Variants in ACE observed in about 807,000 individuals in gnomAD.
ACE encodes angiotensin-converting enzyme.
Under a neutral mutation model 162.3 loss-of-function variants are expected in ACE, and 122 were observed. The ratio of observed to expected loss-of-function variants is 0.75; its 90% CI spans 0.65 to 0.87. The LOEUF (loss-of-function observed/expected upper bound fraction) is 0.87. ACE is among the 40% of genes least tolerant of loss of function. The pLI is 0.00. For missense variants in ACE, 1,799 were observed against 1,735.1 expected (o/e 1.04, Z -0.65); for synonymous variants, 796 against 720.6 (o/e 1.10, Z -1.68).
At position 63,478,040 on chromosome 17, in the gene ACE, T is replaced by C. The variant is rs770863321; in HGVS notation, c.359T>C (p.Ile120Thr). ...QNFTDPQLRR[I>T]IGAVRTLGSA... ...TTCACGGACCCGCAGCTGCGCAGGA[T>C]CATCGGAGCTGTGCGCACCCTGGGC... The change falls in exon 2 of 25, where the codon ATC (isoleucine) becomes ACC (threonine). Residue 120 changes from isoleucine (I) to threonine (T), a missense_variant. Coordinates refer to ENST00000290866, the MANE Select transcript of ACE (RefSeq NM_000789.4). The C allele has an allele frequency of 1.2e-6, 2 of 1,606,030 alleles. No individual in the cohort carries two copies. Among genetic ancestry groups the C allele is most frequent in the Admixed American group, 3.4e-5 (2 of 59,312 alleles).
chr17:63,495,956 G>T (rs900979246), intron 22 of ACE, among the ~76,000 whole-genome samples: 11 of 152,292 alleles, frequency 7.2e-5, no homozygotes, highest in African/African-American at 2.6e-4. Context: ...CAGGGAATTC[G>T]TGATGCTTTG....
chr17:63,477,913 C>T lies in ACE; in HGVS notation c.250-18C>T, dbSNP rs576845728. ...AAGCAGGGTCCTACACCCTCCCTGC[C>T]CTCCTGGTGCCCAATAGGAGGAAGC... On this transcript the variant is annotated intron_variant, in intron 1 of 24. Coordinates refer to ENST00000290866, the MANE Select transcript of ACE (RefSeq NM_000789.4). 17 of 1,604,256 alleles carry T rather than the reference C, an allele frequency of 1.1e-5. No homozygotes were observed. In the South Asian group the frequency reaches 1.6e-4, roughly 15 times the overall value.
chr17:63,484,060 G>A lies in ACE; in HGVS notation c.1709+89G>A, dbSNP rs2147537501. 2 of 1,529,062 alleles carry A rather than the reference G, an allele frequency of 1.3e-6. No homozygotes were observed. Among genetic ancestry groups the A allele is most frequent in the Non-Finnish European group, 1.8e-6 (2 of 1,140,608 alleles). The allele number at this position is 1,529,062 out of a possible 1,614,324, so 94.7% of individuals were successfully genotyped here. ...GGAGGTGTCTGGCTGCTCTGATGGG[G>A]TGGGGGGCACCAACCACAGAGCTGG... On this transcript the variant is annotated intron_variant, in intron 11 of 24. Coordinates refer to ENST00000290866, the MANE Select transcript of ACE (RefSeq NM_000789.4). The surrounding 1 kb of genome is among the most constrained non-coding windows in gnomAD (Gnocchi z 4.0).
At chr17:63,479,693 G>C in intron 3 of ACE, 76 bp from the exon 4 acceptor site, 1 of 1,587,356 alleles carries the variant, frequency 6.3e-7, no homozygotes, top group South Asian at 1.1e-5. Context: ...GTAAGGACTG[G>C]TGCAGGCTCT....
chr17:63,481,899 G>A (rs1271754524), intron 7 of ACE, among the ~76,000 whole-genome samples, 161 bp downstream of exon 7: 4 of 152,176 alleles, frequency 2.6e-5, no homozygotes, highest in Admixed American at 6.5e-5. Flanking sequence ...GGTATAGGAG[G>A]CCTATTAGTC....
chr17:63,483,008 T>C (rs1299921461), intron 8 of ACE, 21 bp from the exon 9 acceptor site: 1 of 1,613,476 alleles, frequency 6.2e-7, no homozygotes, highest in African/African-American at 1.3e-5. Flanking sequence ...TTCCCTCTCC[T>C]TTCATCTCAT....
chr17:63,486,243 G>A, intron 13 of ACE: 1 of 439,260 alleles, frequency 2.3e-6, no homozygotes, highest in South Asian at 2.3e-5. Context: ...TATTAACTCT[G>A]AGGTTCAGAA....
intron 19 of ACE, among the ~76,000 whole-genome samples, chr17:63,492,425 G>A (rs1428591134): frequency 2.0e-5 from 3 of 152,246 alleles, no homozygotes; most frequent in African/African-American, 4.8e-5. Flanking sequence ...GAACAGACAC[G>A]GGGAGCCTGA....
In ACE at chr17:63,484,878, G is replaced by T; in HGVS notation, c.1921+337G>T. 6.3e-7 allele frequency: 1 copy of T among 1,586,690 alleles called. No individual in the cohort carries two copies. Among genetic ancestry groups the T allele is most frequent in the Non-Finnish European group, 8.6e-7 (1 of 1,166,390 alleles). On this transcript the variant is annotated intron_variant, in intron 12 of 24. Coordinates refer to ENST00000290866, the MANE Select transcript of ACE (RefSeq NM_000789.4). This position sits in a 1 kb window ranked among gnomAD's most constrained non-coding sequence, Gnocchi z 4.0. Reference sequence around the variant, plus strand: ...TGCTCTCCTGCGGCCATGGGCCAGGGTTGGGCTACTGCAGGACTTCCCAGC... The same window carrying T: ...TGCTCTCCTGCGGCCATGGGCCAGGTTTGGGCTACTGCAGGACTTCCCAGC...
Position 63,477,103 on chromosome 17 carries a change from C to T in ACE, c.9C>T (p.Ala3=). Residue 3 remains alanine, a synonymous_variant, in exon 1 of 25, where the codon GCC becomes GCT. Coordinates refer to ENST00000290866, the MANE Select transcript of ACE (RefSeq NM_000789.4). ...GCACCGCGCACCGCGTCATGGGGGC[C>T]GCCTCGGGCCGCCGGGGGCCGGGGC... The part of the protein sequence containing the change: MG[A]ASGRRGPGLL... 7.6e-7 allele frequency: 1 copy of T among 1,312,802 alleles called. No homozygotes were observed. Among genetic ancestry groups the T allele is most frequent in the East Asian group, 3.2e-5 (1 of 31,032 alleles). The allele number at this position is 1,312,802 out of a possible 1,614,324, so 81.3% of individuals were successfully genotyped here. A position where few individuals can be genotyped will look rare whatever the true frequency, so the allele number is the denominator to read the frequency against.
At chr17:63,493,200 G>A (rs1350127970) in intron 19 of ACE, among the ~76,000 whole-genome samples, 1 of 152,216 alleles carries the variant, frequency 6.6e-6, no homozygotes. Context: ...AGTCATTCAG[G>A]AAAATGGGAG....
intron 13 of ACE, 139 bp downstream of exon 13, chr17:63,485,511 T>C: frequency 7.9e-7 from 1 of 1,258,916 alleles, no homozygotes; most frequent in South Asian, 1.3e-5. Context: ...CCGGGCGCGG[T>C]GGCTCACGCC....
Position 63,483,553 on chromosome 17 carries a change from C to T in ACE, c.1581C>T (p.Tyr527=). ...TTCATGTTCCAAATGTGACACCATA[C>T]ATCAGGTATTAGCGCCCCCACCCCA... The part of the protein sequence containing the change: ...AKFHVPNVTP[Y]IRYFVSFVLQ... The change falls in exon 10 of 25, where the codon TAC becomes TAT. Residue 527 remains tyrosine (Y), a synonymous_variant. Transcript: ENST00000290866. 6.2e-7 allele frequency: 1 copy of T among 1,613,632 alleles called. No individual in the cohort carries two copies.
intron 17 of ACE, chr17:63,489,970 C>A (rs1272346139): frequency 1.3e-5 from 2 of 152,468 alleles, no homozygotes; most frequent in South Asian, 2.1e-4. Context: ...AAGCAACATG[C>A]CCAGCGTGGC....
intron 13 of ACE, chr17:63,485,659 C>A (rs2029887111): frequency 5.0e-6 from 2 of 400,180 alleles, no homozygotes; most frequent in Admixed American, 3.2e-5. Context: ...ACCTGTAGTC[C>A]CAGTACTCAG....
intron 1 of ACE, 68 bp downstream of exon 1, chr17:63,477,411 T>G: frequency 8.7e-7 from 1 of 1,147,448 alleles, no homozygotes; most frequent in Non-Finnish European, 1.1e-6. Context: ...GCGGCCGGCT[T>G]GTGGGGCGGG....
chr17:63,481,112 G>A lies in ACE; in HGVS notation c.869G>A (p.Trp290Ter). Reference sequence around the variant, plus strand: ...CTAGGAGACATGTGGGCCCAGAGCTGGGAAAACATCTACGACATGGTGGTG... The same window carrying A: ...CTAGGAGACATGTGGGCCCAGAGCTAGGAAAACATCTACGACATGGTGGTG... ...HLLGDMWAQSWENIYDMVVPF... is the reference protein window; with the variant it reads ...HLLGDMWAQS The change falls in exon 6 of 25, where the codon TGG becomes TAG. Residue 290 changes from tryptophan (W) to a stop codon, truncating the protein, a stop_gained. Transcript: ENST00000290866. LOFTEE classifies it high-confidence loss of function. 1 of 1,614,034 alleles carries A rather than the reference G, an allele frequency of 6.2e-7. No homozygotes were observed. The highest frequency in any genetic ancestry group is 8.5e-7 in the Non-Finnish European group (1 of 1,180,008).
intron 7 of ACE, 126 bp downstream of exon 7, chr17:63,481,864 G>A: frequency 7.9e-7 from 1 of 1,272,376 alleles, no homozygotes; most frequent in Non-Finnish European, 1.1e-6. Context: ...ACTGGTTGGA[G>A]GCTGGGTCTG....
At position 63,481,160 on chromosome 17, in the gene ACE, T is replaced by G. The variant is rs1044992578; in HGVS notation, c.917T>G (p.Leu306Arg). The change falls in exon 6 of 25, where the codon CTC becomes CGC. Residue 306 changes from leucine (L) to arginine (R), a missense_variant. By Grantham distance (102) the Leu-to-Arg change is moderately radical. Coordinates refer to ENST00000290866, the MANE Select transcript of ACE (RefSeq NM_000789.4). ...MVVPFPDKPN[L>R]DVTSTMLQQG... ...GTGCCTTTCCCAGACAAGCCCAACC[T>G]CGATGTCACCAGTACTATGCTGCAG... 1 of 1,509,706 alleles carries G rather than the reference T, an allele frequency of 6.6e-7. No individual in the cohort carries two copies. The highest frequency in any genetic ancestry group is 1.4e-5 in the African/African-American group (1 of 70,398). 93.5% of individuals were successfully genotyped at this position (1,509,706 alleles called of 1,614,324 possible). A position where few individuals can be genotyped will look rare whatever the true frequency, so the allele number is the denominator to read the frequency against.
Sources: gnomAD v4.1 joint callset for allele counts (sites outside exome capture counted in the v4.1 genomes callset) on GRCh38, gnomAD v4.1.1 for gene constraint, Gnocchi (gnomAD v3.1) non-coding constraint, MANE v1.5 for transcripts, NCBI Gene and HGNC (gene_info 2026-07-23, HGNC 2026-07-21) for gene names.